DYNC1I1: variants seen among roughly 807,000 people sequenced by gnomAD.
DYNC1I1 encodes the protein cytoplasmic dynein 1 intermediate chain 1.
DYNC1I1 carries 43 observed loss-of-function variants against 86.6 expected under a neutral mutation model. That is an observed-to-expected ratio of 0.50 (90% CI 0.39 to 0.64). DYNC1I1 has a LOEUF of 0.64. Ranked by LOEUF, DYNC1I1 falls within the 30% of genes least tolerant of loss-of-function variation. DYNC1I1 has a pLI of 0.00. For synonymous variants in DYNC1I1, 262 were observed against 283.7 expected, an observed-to-expected ratio of 0.92 and a Z score of 0.77; for missense variants, 604 against 788.8, an observed-to-expected ratio of 0.77 and a Z score of 2.81.
chr7:95,995,116 C>G (rs1988397), intron 9 of DYNC1I1, among the ~76,000 whole-genome samples: 17,184 of 151,734 alleles, frequency 0.11, 2,017 homozygotes, highest in African/African-American at 0.3. Context: ...GCGTGGTGGC[C>G]GGCGCCTGTA....
chr7:96,001,984 G>T (rs959252144), intron 10 of DYNC1I1, among the ~76,000 whole-genome samples: 2 of 152,090 alleles, frequency 1.3e-5, no homozygotes, highest in Non-Finnish European at 2.9e-5. Flanking sequence ...CTTAAACCTT[G>T]GCATTTTTAT....
chr7:96,050,579 G>C (rs1789376821), intron 14 of DYNC1I1, among the ~76,000 whole-genome samples: 1 of 152,062 alleles, frequency 6.6e-6, no homozygotes, highest in African/African-American at 2.4e-5. Flanking sequence ...TACATATTTT[G>C]GGGGTGCTAA....
At chr7:95,779,249 A>AT (rs1430848835) in intron 1 of DYNC1I1, among the ~76,000 whole-genome samples, 2 of 152,120 alleles carry the variant, frequency 1.3e-5, no homozygotes, top group Non-Finnish European at 2.9e-5. Flanking sequence ...ATTTAAGTCA[A>AT]TTTTTTTGTC....
chr7:95,934,241 T>A (rs1791979691), intron 6 of DYNC1I1, among the ~76,000 whole-genome samples: 1 of 152,136 alleles, frequency 6.6e-6, no homozygotes, highest in Admixed American at 6.5e-5. Context: ...AATAGATGGT[T>A]ACTGAGTACT....
chr7:96,003,733 A>G (rs2115806152), intron 10 of DYNC1I1, among the ~76,000 whole-genome samples: 1 of 152,262 alleles, frequency 6.6e-6, no homozygotes, highest in Middle Eastern at 3.4e-3. Context: ...AGGCCAGATG[A>G]GTCCCCACCA....
At chr7:95,805,452 G>T (rs549320142) in intron 2 of DYNC1I1, among the ~76,000 whole-genome samples, 173 of 152,158 alleles carry the variant, frequency 1.1e-3, no homozygotes, top group Non-Finnish European at 2.0e-3. Flanking sequence ...ACAGTACAAA[G>T]AATTATTACA....
At chr7:96,077,050 G>A (rs1331697318) in intron 15 of DYNC1I1, among the ~76,000 whole-genome samples, 1 of 151,922 alleles carries the variant, frequency 6.6e-6, no homozygotes, top group Non-Finnish European at 1.5e-5. Context: ...TCACTTCTTG[G>A]TTTCTGATTC....
chr7:95,940,561 C>G (rs1159857752), intron 6 of DYNC1I1, among the ~76,000 whole-genome samples: 1 of 152,212 alleles, frequency 6.6e-6, no homozygotes, highest in Admixed American at 6.5e-5. Context: ...TCTTCCATCA[C>G]TGATACCCTT....
intron 14 of DYNC1I1, among the ~76,000 whole-genome samples, chr7:96,062,463 C>T (rs750442949): frequency 3.3e-5 from 5 of 151,590 alleles, no homozygotes; most frequent in Non-Finnish European, 7.4e-5. Flanking sequence ...AATGGGAACC[C>T]TTGCAGTAAA....
At chr7:95,957,841 T>C (rs904225860) in intron 6 of DYNC1I1, among the ~76,000 whole-genome samples, 2 of 152,160 alleles carry the variant, frequency 1.3e-5, no homozygotes, top group African/African-American at 4.8e-5. Flanking sequence ...CTGGCTTTGA[T>C]CTTTAAGCCA....
intron 16 of DYNC1I1, 94 bp downstream of exon 16, chr7:96,080,582 G>A: frequency 1.9e-6 from 3 of 1,604,866 alleles, no homozygotes; most frequent in Non-Finnish European, 2.6e-6. Context: ...TAGGCCACAA[G>A]GACCCTCTCT....
At chr7:95,798,726 C>A (rs981077709) in intron 1 of DYNC1I1, among the ~76,000 whole-genome samples, 5 of 152,110 alleles carry the variant, frequency 3.3e-5, no homozygotes, top group African/African-American at 1.2e-4. Context: ...AAATAGAGAT[C>A]TATATTGTTC....
At chr7:96,063,105 A>ATGTGTG (rs1434101044) in intron 14 of DYNC1I1, among the ~76,000 whole-genome samples, 131 of 128,724 alleles carry the variant, frequency 1.0e-3, no homozygotes, top group African/African-American at 4.2e-3. Context: ...GTGTGTATAT[A>ATGTGTG]TATGTGTGTG....
intron 10 of DYNC1I1, among the ~76,000 whole-genome samples, chr7:96,017,345 TACC>T (rs2115886864): frequency 6.6e-6 from 1 of 152,328 alleles, no homozygotes; most frequent in African/African-American, 2.4e-5. Flanking sequence ...CTTCGCCTTG[TACC>T]ACATCGCTAT....
At chr7:96,098,656 G>A (rs184099788), downstream of DYNC1I1, among the ~76,000 whole-genome samples, 4 of 152,220 alleles carry the variant, frequency 2.6e-5, no homozygotes, top group East Asian at 5.8e-4. Context: ...AGCCACCCTT[G>A]CCCAAAGACA....
chr7:96,003,283 C>G (rs916042315), intron 10 of DYNC1I1, among the ~76,000 whole-genome samples: 1 of 152,176 alleles, frequency 6.6e-6, no homozygotes, highest in East Asian at 1.9e-4. Context: ...GCCCCATGCC[C>G]CAGCTTCATA....
chr7:95,858,053 GAGTATTTGTTAGTCT>G (rs1456976337), intron 5 of DYNC1I1, among the ~76,000 whole-genome samples: 2 of 152,112 alleles, frequency 1.3e-5, no homozygotes, highest in African/African-American at 4.8e-5. Context: ...GGCCCTTCTT[GAGTATTTGTTAGTCT>G]AGTTGCCTTC....
At chr7:96,088,300 C>A (rs1790742794) in intron 16 of DYNC1I1, among the ~76,000 whole-genome samples, 1 of 152,042 alleles carries the variant, frequency 6.6e-6, no homozygotes, top group African/African-American at 2.4e-5. Context: ...TTATAAACAG[C>A]AAATTAATGT....
intron 10 of DYNC1I1, among the ~76,000 whole-genome samples, chr7:96,023,331 G>A (rs577338000): frequency 2.0e-4 from 30 of 152,274 alleles, no homozygotes; most frequent in African/African-American, 7.2e-4. Context: ...TCCCACCCAG[G>A]CATGATGGCT....
Sources: gnomAD v4.1 joint callset for allele counts (sites outside exome capture counted in the v4.1 genomes callset) on GRCh38, gnomAD v4.1.1 for gene constraint, MANE v1.5 for transcripts, NCBI Gene and HGNC (gene_info 2026-07-23, HGNC 2026-07-21) for gene names.